MLC1: variants seen among roughly 807,000 people sequenced by gnomAD.
The protein encoded by MLC1 is modulator of VRAC current 1, also known as membrane protein MLC1.
A neutral mutation model predicts 44.7 loss-of-function variants in MLC1; 32 were observed. That is an observed-to-expected ratio of 0.72 (90% confidence interval 0.54 to 0.96). The LOEUF (loss-of-function observed/expected upper bound fraction) is 0.96, where lower values mean the gene tolerates loss of function less well. MLC1 is among the 40% of genes least tolerant of loss of function. The probability of loss-of-function intolerance (pLI) is 0.00; values close to 1 mark genes in which losing one functional copy is unlikely to be tolerated. For missense variants in MLC1, 459 were observed against 492.2 expected, an observed-to-expected ratio of 0.93 and a Z score of 0.64; for synonymous variants, 190 against 213.0, an observed-to-expected ratio of 0.89 and a Z score of 0.94.
intron 10 of MLC1, among the ~76,000 whole-genome samples, chr22:50,064,837 A>G (rs556599080): frequency 6.6e-6 from 1 of 152,300 alleles, no homozygotes; most frequent in East Asian, 1.9e-4. Context: ...AAGCAACTAA[A>G]TGTTAACACA....
At chr22:50,065,292 G>C (rs1472516400) in intron 10 of MLC1, among the ~76,000 whole-genome samples, 2 of 152,022 alleles carry the variant, frequency 1.3e-5, no homozygotes, top group African/African-American at 2.4e-5. Context: ...GATGGTAAAG[G>C]CATGGGCCCC....
In MLC1 at chr22:50,077,265, A is replaced by G. The variant is rs1006757273; in HGVS notation, c.525+136T>C. 18 of 834,678 alleles carry G rather than the reference A, an allele frequency of 2.2e-5. No individual in the cohort carries two copies. In the African/African-American group the frequency reaches 2.3e-4, roughly 11 times the overall value. The allele number at this position is 834,678 out of a possible 1,614,324, so 51.7% of individuals were successfully genotyped here. A position where few individuals can be genotyped will look rare whatever the true frequency, so the allele number is the denominator to read the frequency against. ...CTCCTGGCCGGGGTTTCTGAGACCC[A>G]GGAGAGAGGGGTCTCATGGGAATGC... On this transcript the variant is annotated intron_variant, in intron 6 of 11. Coordinates refer to ENST00000311597, the MANE Select transcript of MLC1 (RefSeq NM_015166.4).
In MLC1 at chr22:50,077,521, G is replaced by A. The variant is rs372675474; in HGVS notation, c.424-19C>T. Reference sequence around the variant, plus strand: ...AGTTGATCTGCCAAGGGGCACACACGCTTCAGCACCGGGCCCGCCTTTCTC... The same window carrying A: ...AGTTGATCTGCCAAGGGGCACACACACTTCAGCACCGGGCCCGCCTTTCTC... On this transcript the variant is annotated intron_variant, in intron 5 of 11. Transcript: ENST00000311597. The A allele has an allele frequency of 1.8e-5, 28 of 1,599,228 alleles. No homozygotes were observed. Among genetic ancestry groups the A allele is most frequent in the Middle Eastern group, 1.8e-4 (1 of 5,442 alleles).
intron 6 of MLC1, 34 bp downstream of exon 6, chr22:50,077,367 C>G: frequency 6.3e-7 from 1 of 1,588,396 alleles, no homozygotes; most frequent in Non-Finnish European, 8.6e-7. Flanking sequence ...TGCCTCTGCA[C>G]CCCCTGCCCT....
intron 3 of MLC1, 127 bp from the exon 4 acceptor site, chr22:50,080,524 C>A (rs2062096170): frequency 1.2e-5 from 13 of 1,046,694 alleles, no homozygotes; most frequent in Middle Eastern, 2.0e-4. Context: ...CCAGTCCATG[C>A]AACACAGTGG....
At chr22:50,077,616 C>T (rs1473264042) in intron 5 of MLC1, 114 bp from the exon 6 acceptor site, 7 of 812,174 alleles carry the variant, frequency 8.6e-6, no homozygotes, top group Non-Finnish European at 1.4e-5. Context: ...AGCCACGGTC[C>T]CCACTTTTCC....
At chr22:50,074,507 C>T (rs948913451) in intron 7 of MLC1, 175 bp from the exon 8 acceptor site, 65 of 645,446 alleles carry the variant, frequency 1.0e-4, no homozygotes, top group Non-Finnish European at 2.5e-5. Flanking sequence ...CAGACCCCCT[C>T]TGCCCTCAGC....
chr22:50,067,155 A>G (rs5771348), intron 10 of MLC1, among the ~76,000 whole-genome samples: 18,613 of 152,172 alleles, frequency 0.12, 1,273 homozygotes, highest in South Asian at 0.23. Context: ...AAATAATTGG[A>G]GTAGGAGTGG....
At position 50,076,554 on chromosome 22, in the gene MLC1, CA is replaced by C. The variant is rs1262682508; in HGVS notation, c.597+286del. On this transcript the variant is annotated intron_variant, in intron 7 of 11. Transcript: ENST00000311597. ...TGGCTGATGGAGTGAGACTCCGTCT[CA>C]AAAAAAAAAAAAAAATTCCTCGGGG... Among the ~76,000 whole-genome samples the C allele has an allele frequency of 0.042, 4,715 of 113,286 alleles. 90 individuals are homozygous for C. Among genetic ancestry groups the C allele is most frequent in the East Asian group, 0.076 (308 of 4,052 alleles). 74.3% of individuals were successfully genotyped at this position (113,286 alleles called of 152,430 possible).
chr22:50,063,983 CCCGTGGG>C (rs762357463), intron 11 of MLC1, 44 bp downstream of exon 11: 1 of 1,539,958 alleles, frequency 6.5e-7, no homozygotes, highest in Non-Finnish European at 8.7e-7. Flanking sequence ...GCTGGGCACC[CCCGTGGG>C]CCACTCACCT....
intron 3 of MLC1, among the ~76,000 whole-genome samples, chr22:50,082,001 G>A (rs1308771845): frequency 6.6e-6 from 1 of 152,260 alleles, no homozygotes. Flanking sequence ...CAGAGACCCA[G>A]GACAGCACGG....
intron 8 of MLC1, among the ~76,000 whole-genome samples, chr22:50,071,013 A>ATCTC (rs1356008395): frequency 1.3e-5 from 2 of 152,130 alleles, no homozygotes; most frequent in Non-Finnish European, 2.9e-5. Context: ...CACGCTCGAG[A>ATCTC]GACTCCACGT....
intron 3 of MLC1, 113 bp from the exon 4 acceptor site, chr22:50,080,510 G>T: frequency 8.4e-7 from 1 of 1,188,572 alleles, no homozygotes; most frequent in Non-Finnish European, 1.2e-6. Context: ...ACAAAACAGT[G>T]TTGCCAGTCC....
chr22:50,061,803 G>T, intron 11 of MLC1, 146 bp from the exon 12 acceptor site: 1 of 745,092 alleles, frequency 1.3e-6, no homozygotes, highest in Non-Finnish European at 2.3e-6. Flanking sequence ...TAACCCCTGG[G>T]CCTCTGTGGA....
chr22:50,081,161 G>A (rs190581802), intron 3 of MLC1, among the ~76,000 whole-genome samples: 9 of 152,148 alleles, frequency 5.9e-5, no homozygotes, highest in Admixed American at 3.3e-4. Context: ...CCAACATAGT[G>A]AAACCCCATC....
In MLC1 at chr22:50,076,707, A is replaced by G. The variant is rs1425557282; in HGVS notation, c.597+134T>C. On this transcript the variant is annotated intron_variant, in intron 7 of 11. Transcript: ENST00000311597. Reference sequence around the variant, plus strand: ...CAATAACAGACTAGAGTCTCCACAGATGAGGCGCACGCCGCCATGCGGTGT... The same window carrying G: ...CAATAACAGACTAGAGTCTCCACAGGTGAGGCGCACGCCGCCATGCGGTGT... The G allele has an allele frequency of 4.6e-6, 4 of 864,064 alleles. No homozygotes were observed. In the African/African-American group the frequency reaches 5.0e-5, roughly 11 times the overall value. The allele number at this position is 864,064 out of a possible 1,614,324, so 53.5% of individuals were successfully genotyped here. A position where few individuals can be genotyped will look rare whatever the true frequency, so the allele number is the denominator to read the frequency against.
rs1279009381 is a variant in MLC1 at position 50,061,593 on chromosome 22, A to G, written c.1124T>C (p.Met375Thr). 1 of 1,613,732 alleles carries G rather than the reference A, an allele frequency of 6.2e-7. No individual in the cohort carries two copies. Among genetic ancestry groups the G allele is most frequent in the Admixed American group, 1.7e-5 (1 of 60,014 alleles). The change falls in exon 12 of 12, where the codon ATG becomes ACG. Residue 375 changes from methionine (M) to threonine (T), a missense_variant. Met to Thr is a moderately conservative substitution (Grantham distance 81). Transcript: ENST00000311597. ...EKAWRAVVVQ[M>T]AQ ...TTCCGCGTCTGGGGGTCACTGGGCC[A>G]TTTGCACCACGACGGCTCTCCAGGC...
In MLC1 at chr22:50,085,353, A is replaced by C. The variant is rs1602072800; in HGVS notation, c.-60+2T>G. 1.0e-5 allele frequency: 3 copies of C among 300,130 alleles called. No homozygotes were observed. Among genetic ancestry groups the C allele is most frequent in the South Asian group, 5.6e-5 (1 of 17,984 alleles). The allele number at this position is 300,130 out of a possible 1,614,324, so 18.6% of individuals were successfully genotyped here. A position where few individuals can be genotyped will look rare whatever the true frequency, so the allele number is the denominator to read the frequency against. ...TCAACGGCTTAATGTCTGAGCACTT[A>C]CCTCCCCCGCTGCTCTGCCGTTGGG... On this transcript the variant is annotated splice_donor_variant, in intron 1 of 11. Transcript: ENST00000311597. LOFTEE classifies it low-confidence loss of function (5UTR_SPLICE).
Position 50,068,484 on chromosome 22 carries a change from G to A in MLC1, c.843C>T (p.Phe281=). 1.2e-6 allele frequency: 2 copies of A among 1,613,944 alleles called. No homozygotes were observed. Among genetic ancestry groups the A allele is most frequent in the African/African-American group, 2.7e-5 (2 of 75,042 alleles). ...ACATCTCCACGATTCTCATGATGCT[G>A]AATGACAGATATCCAGAGGCTGTGA... is the stretch of plus-strand genomic sequence containing the variant. ...LLFTASGYLS[F]SIMRIVEMFK... Residue 281 remains phenylalanine (F), a synonymous_variant, in exon 10 of 12, where the codon TTC becomes TTT. Transcript: ENST00000311597.
Sources: gnomAD v4.1 joint callset for allele counts (sites outside exome capture counted in the v4.1 genomes callset) on GRCh38, gnomAD v4.1.1 for gene constraint, MANE v1.5 for transcripts, NCBI Gene and HGNC (gene_info 2026-07-23, HGNC 2026-07-21) for gene names.